FCHO2: variants seen among roughly 807,000 people sequenced by gnomAD.
FCHO2 encodes the protein FCH and mu domain containing endocytic adaptor 2, also known as F-BAR domain only protein 2.
FCHO2 carries 43 observed loss-of-function variants against 114.1 expected under a neutral mutation model. That is an observed-to-expected ratio of 0.38 (90% confidence interval 0.30 to 0.49). FCHO2 has a LOEUF of 0.49. Ranked by LOEUF, FCHO2 falls within the 20% of genes least tolerant of loss-of-function variation. FCHO2 has a pLI of 0.97. For synonymous variants in FCHO2, 293 were observed against 315.2 expected, an observed-to-expected ratio of 0.93 and a Z score of 0.75; for missense variants, 807 against 950.4, an observed-to-expected ratio of 0.85 and a Z score of 1.98.
rs201466637 is a variant in FCHO2 at position 73,087,641 on chromosome 5, C to T, written c.2298C>T (p.Pro766=). ...ATCTTTCAGAAGGACCTAGTAAACC[C>T]ACGACACTTGCAGTACAATTCCTCA... ...KFDLSEGPSK[P]TTLAVQFLSE... is the part of the protein sequence containing the mutation. The change falls in exon 25 of 26, where the codon CCC becomes CCT. Residue 766 remains proline, a synonymous_variant. Transcript: ENST00000430046. The T allele has an allele frequency of 8.7e-5, 140 of 1,613,872 alleles. No homozygotes were observed. The highest frequency in any genetic ancestry group is 1.1e-4 in the Non-Finnish European group (131 of 1,179,838).
chr5:73,077,284 TTAAA>T (rs766581192), intron 20 of FCHO2, 50 bp from the exon 21 acceptor site: 13 of 1,508,026 alleles, frequency 8.6e-6, no homozygotes, highest in East Asian at 2.5e-5. Context: ...ACCAAATACT[TTAAA>T]TAGAGATTAG....
intron 2 of FCHO2, among the ~76,000 whole-genome samples, chr5:72,982,257 C>T (rs1753253847): frequency 1.3e-5 from 2 of 152,158 alleles, no homozygotes; most frequent in Admixed American, 1.3e-4. Context: ...CTAACTAGCC[C>T]CAGTGAGATG....
intron 5 of FCHO2, among the ~76,000 whole-genome samples, chr5:72,993,243 A>G (rs1333809970): frequency 6.6e-6 from 1 of 152,102 alleles, no homozygotes; most frequent in Non-Finnish European, 1.5e-5. Flanking sequence ...TTGGAAATGA[A>G]AAATAGAGTT....
chr5:72,997,948 C>G (rs986563105), intron 5 of FCHO2, among the ~76,000 whole-genome samples: 2 of 151,766 alleles, frequency 1.3e-5, no homozygotes, highest in Non-Finnish European at 2.9e-5. Flanking sequence ...CAGGACCCGC[C>G]AGAGCCACAG....
intron 1 of FCHO2, among the ~76,000 whole-genome samples, chr5:72,960,895 C>A (rs1403408340): frequency 6.6e-6 from 1 of 152,084 alleles, no homozygotes; most frequent in Admixed American, 6.6e-5. Flanking sequence ...TAGTATATAT[C>A]ACATTGTAAT....
chr5:73,049,998 C>T (rs1384586105), intron 11 of FCHO2, among the ~76,000 whole-genome samples: 2 of 152,124 alleles, frequency 1.3e-5, no homozygotes, highest in Non-Finnish European at 2.9e-5. Context: ...TCCATTTCCT[C>T]TGCCCAAATT....
At chr5:73,069,418 AG>A (rs1409519807) in intron 19 of FCHO2, among the ~76,000 whole-genome samples, 1 of 152,060 alleles carries the variant, frequency 6.6e-6, no homozygotes. Context: ...GTGAGCCCTG[AG>A]CTTTTTGTCT....
Position 73,044,332 on chromosome 5 carries a change from A to G in FCHO2, c.939+3017A>G, listed in dbSNP as rs971550779. Among the ~76,000 whole-genome samples, 8 of 152,300 alleles carry G rather than the reference A, an allele frequency of 5.3e-5. No individual in the cohort carries two copies. In the East Asian group the frequency reaches 1.2e-3, roughly 22 times the overall value. ...TAGCTCACTTCAGCCTCGACCTCCCAGGCTCAGCCATTCCTCCCATTCCAG... is the reference window on the plus strand; with the variant it reads ...TAGCTCACTTCAGCCTCGACCTCCCGGGCTCAGCCATTCCTCCCATTCCAG... On this transcript the variant is annotated intron_variant, in intron 11 of 25. Transcript: ENST00000430046.
In FCHO2 at chr5:73,035,278, G is replaced by A. The variant is rs142209245; in HGVS notation, c.841+577G>A. On this transcript the variant is annotated intron_variant, in intron 9 of 25. Coordinates refer to ENST00000430046, the MANE Select transcript of FCHO2 (RefSeq NM_138782.3). ...ACAAAAAAACTTTTAAAATTAGCAG[G>A]TGTGGTGGTGTGCACCTGTAGTCCC... 7.6e-3 allele frequency among the ~76,000 whole-genome samples: 1,153 copies of A among 152,152 alleles called. 8 individuals carry two copies. The highest frequency in any genetic ancestry group is 0.011 in the Non-Finnish European group (741 of 68,002).
intron 5 of FCHO2, among the ~76,000 whole-genome samples, chr5:72,998,955 C>A (rs753847673): frequency 2.0e-5 from 3 of 151,610 alleles, no homozygotes; most frequent in Admixed American, 2.0e-4. Context: ...CTCAGCCTCT[C>A]GAATAGCTGG....
At chr5:73,004,785 A>G (rs1754627424) in intron 5 of FCHO2, among the ~76,000 whole-genome samples, 1 of 152,190 alleles carries the variant, frequency 6.6e-6, no homozygotes, top group Non-Finnish European at 1.5e-5. Flanking sequence ...TTAGAGAGAG[A>G]GAGACCGTAT....
At chr5:73,047,653 C>T (rs1416372710) in intron 11 of FCHO2, among the ~76,000 whole-genome samples, 1 of 151,622 alleles carries the variant, frequency 6.6e-6, no homozygotes, top group East Asian at 1.9e-4. Context: ...ACCAGAATCA[C>T]TGAATGCTCA....
At chr5:73,012,841 C>T (rs761601246) in intron 6 of FCHO2, among the ~76,000 whole-genome samples, 3 of 151,820 alleles carry the variant, frequency 2.0e-5, no homozygotes, top group Non-Finnish European at 4.4e-5. Flanking sequence ...CCCCCAAAAC[C>T]CCACAGTTTC....
intron 18 of FCHO2, among the ~76,000 whole-genome samples, chr5:73,065,324 T>C (rs1460312205): frequency 2.0e-5 from 3 of 151,962 alleles, no homozygotes; most frequent in African/African-American, 7.2e-5. Context: ...CAGTAAATGA[T>C]CGTGTTATAA....
chr5:72,980,849 G>A (rs10454892), intron 2 of FCHO2, among the ~76,000 whole-genome samples: 17,893 of 152,134 alleles, frequency 0.12, 1,265 homozygotes, highest in Non-Finnish European at 0.17. Flanking sequence ...TTGCATGTGA[G>A]ATGGGTGTCC....
intron 11 of FCHO2, 61 bp downstream of exon 11, chr5:73,041,376 T>C: frequency 9.5e-7 from 1 of 1,048,676 alleles, no homozygotes; most frequent in Admixed American, 2.2e-5. Context: ...AGGACAAACC[T>C]AACACATTTG....
intron 8 of FCHO2, chr5:73,020,664 C>T (rs2112756307): frequency 2.8e-6 from 3 of 1,070,020 alleles, no homozygotes; most frequent in South Asian, 1.3e-5. Context: ...TTATTAAATA[C>T]TAGACCGCAA....
At chr5:72,992,965 TA>T (rs76660943) in intron 5 of FCHO2, among the ~76,000 whole-genome samples, 20,663 of 133,362 alleles carry the variant, frequency 0.15, 1,603 homozygotes, top group East Asian at 0.37. Flanking sequence ...GAGGGCAAAA[TA>T]AAAAAAAAAA....
intron 2 of FCHO2, among the ~76,000 whole-genome samples, chr5:72,981,518 G>C (rs1753210751): frequency 6.6e-6 from 1 of 152,158 alleles, no homozygotes; most frequent in Non-Finnish European, 1.5e-5. Context: ...AAGTTCTCCT[G>C]GATGATATCC....
Sources: allele counts gnomAD v4.1 joint callset (sites outside exome capture counted in the v4.1 genomes callset), GRCh38; gene constraint gnomAD v4.1.1; transcripts MANE v1.5; gene names NCBI Gene and HGNC (gene_info 2026-07-23, HGNC 2026-07-21).